Variants in SIPA1L3 observed in about 807,000 individuals in gnomAD.
The protein encoded by SIPA1L3 is signal-induced proliferation-associated 1-like protein 3.
SIPA1L3 carries 59 observed loss-of-function variants against 150.1 expected under a neutral mutation model. That is an observed-to-expected ratio of 0.39 (90% CI 0.32 to 0.49). The LOEUF is 0.49. Among genes scored for constraint, SIPA1L3 ranks in the 20% least tolerant of loss-of-function variants. SIPA1L3 has a pLI of 0.86. For missense variants in SIPA1L3, 2,211 were observed against 2,489.5 expected (o/e 0.89, Z 2.38); for synonymous variants, 1,070 against 1,077.6 (o/e 0.99, Z 0.14).
At position 38,152,964 on chromosome 19, in the gene SIPA1L3, C is replaced by G; in HGVS notation, c.3658C>G (p.Pro1220Ala). ...GGAGAGCACCATGGAACGCCAGAAG[C>G]CAGGTAGGGCCCCCACCAGCTGCTG... ...SQESTMERQK[P>A]EPLWHVPAQA... The change falls in exon 13 of 22, where the codon CCA becomes GCA. Residue 1220 changes from proline to alanine, a missense_variant. Around this residue, in one of 5 missense-constraint regions of SIPA1L3, gnomAD observed 806 missense variants for 870.1 expected, o/e 0.93. Coordinates refer to ENST00000222345, the MANE Select transcript of SIPA1L3 (RefSeq NM_015073.3). The G allele has an allele frequency of 6.2e-7, 1 of 1,611,994 alleles. No individual in the cohort carries two copies. Among genetic ancestry groups the G allele is most frequent in the Non-Finnish European group, 8.5e-7 (1 of 1,179,288 alleles).
intron 4 of SIPA1L3, among the ~76,000 whole-genome samples, chr19:38,098,045 G>A (rs963649813): frequency 6.6e-6 from 1 of 152,214 alleles, no homozygotes; most frequent in Non-Finnish European, 1.5e-5. Flanking sequence ...GTAAATCAGA[G>A]ATAAAACCTC....
At chr19:37,977,700 C>T (rs182623418) in intron 1 of SIPA1L3, among the ~76,000 whole-genome samples, 26 of 152,210 alleles carry the variant, frequency 1.7e-4, no homozygotes, top group Non-Finnish European at 1.8e-4. Flanking sequence ...CCAGAGCGCC[C>T]GTGTCCTCCA....
In SIPA1L3 at chr19:37,987,488, G is replaced by A. The variant is rs1967385259; in HGVS notation, c.-378-41601G>A. Among the ~76,000 whole-genome samples the A allele has an allele frequency of 2.0e-5, 3 of 152,300 alleles. No homozygotes were observed. In the East Asian group the frequency reaches 5.8e-4, roughly 29 times the overall value. On this transcript the variant is annotated intron_variant, in intron 1 of 21. Coordinates refer to ENST00000222345, the MANE Select transcript of SIPA1L3 (RefSeq NM_015073.3). ...CACTCTTTGATGTCAGAATTGTCCT[G>A]TGCATATTATGGGCTGTTCAGCAGC... is the stretch of plus-strand genomic sequence containing the variant.
At chr19:38,135,555 C>T (rs1215864123) in intron 10 of SIPA1L3, among the ~76,000 whole-genome samples, 1 of 152,228 alleles carries the variant, frequency 6.6e-6, no homozygotes, top group African/African-American at 2.4e-5. Flanking sequence ...GACTCTCACC[C>T]CAAACATGCA....
chr19:38,076,450 C>T (rs1969839770), intron 2 of SIPA1L3, among the ~76,000 whole-genome samples: 2 of 152,184 alleles, frequency 1.3e-5, no homozygotes, highest in African/African-American at 4.8e-5. Context: ...CCTGTTGCTA[C>T]TGCGGTGAGC....
chr19:38,178,090 TGTGTGTGTG>T (rs1972477365), intron 15 of SIPA1L3, among the ~76,000 whole-genome samples: 1 of 15,250 alleles, frequency 6.6e-5, no homozygotes, highest in Non-Finnish European at 1.3e-4. Context: ...GCTTTTGGTG[TGTGTGTGTG>T]TGTGTGTGTG....
intron 16 of SIPA1L3, chr19:38,185,185 C>G (rs1175604556): frequency 1.3e-5 from 2 of 152,342 alleles, no homozygotes; most frequent in Non-Finnish European, 2.9e-5. Context: ...TGTCACTGTA[C>G]TCTGTTCCAC....
intron 1 of SIPA1L3, among the ~76,000 whole-genome samples, chr19:37,959,717 A>G (rs919979966): frequency 2.0e-5 from 3 of 151,652 alleles, no homozygotes; most frequent in African/African-American, 7.3e-5. Context: ...TATGCCTCAC[A>G]TCTTTTTTCC....
At chr19:38,026,503 A>G (rs1047159441) in intron 1 of SIPA1L3, among the ~76,000 whole-genome samples, 3 of 152,166 alleles carry the variant, frequency 2.0e-5, no homozygotes, top group Non-Finnish European at 2.9e-5. Flanking sequence ...TGAGTCCCAT[A>G]GGACTGAGTG....
At chr19:38,178,460 T>A (rs1972490536) in intron 15 of SIPA1L3, among the ~76,000 whole-genome samples, 1 of 151,856 alleles carries the variant, frequency 6.6e-6, no homozygotes. Flanking sequence ...ATTGCATGGA[T>A]TTCTGGGAGG....
At chr19:38,001,858 T>G (rs1967815077) in intron 1 of SIPA1L3, among the ~76,000 whole-genome samples, 1 of 152,202 alleles carries the variant, frequency 6.6e-6, no homozygotes, top group Admixed American at 6.5e-5. Flanking sequence ...ATAATTAGCT[T>G]TAGCTTGATT....
chr19:38,061,128 C>T (rs937519043), intron 2 of SIPA1L3, among the ~76,000 whole-genome samples: 1 of 152,144 alleles, frequency 6.6e-6, no homozygotes, highest in Non-Finnish European at 1.5e-5. Flanking sequence ...AAGAATGGGC[C>T]AGGCAGACCC....
chr19:37,911,320 G>T (rs1043238565), intron 1 of SIPA1L3, among the ~76,000 whole-genome samples: 6 of 152,042 alleles, frequency 3.9e-5, no homozygotes, highest in African/African-American at 1.4e-4. Context: ...AAAGGAGGGG[G>T]TAGGGATCAA....
At chr19:38,177,580 G>A (rs1038718329) in intron 15 of SIPA1L3, among the ~76,000 whole-genome samples, 9 of 152,092 alleles carry the variant, frequency 5.9e-5, no homozygotes, top group Non-Finnish European at 1.2e-4. Context: ...CTATACATAT[G>A]TGTGTATATC....
At position 37,986,919 on chromosome 19, in the gene SIPA1L3, G is replaced by A. The variant is rs1031406165; in HGVS notation, c.-378-42170G>A. Among the ~76,000 whole-genome samples, 11 of 152,086 alleles carry A rather than the reference G, an allele frequency of 7.2e-5. No individual in the cohort carries two copies. In the East Asian group the frequency reaches 9.7e-4, roughly 13 times the overall value. ...CATCTGGTCTGAGGAGGAGCTGAGC[G>A]TTTTCTTTTTTCTTTTTTTGCTTTT... On this transcript the variant is annotated intron_variant, in intron 1 of 21. Transcript: ENST00000222345.
chr19:38,197,259 T>G (rs954508981), intron 18 of SIPA1L3, among the ~76,000 whole-genome samples: 1 of 151,944 alleles, frequency 6.6e-6, no homozygotes, highest in Non-Finnish European at 1.5e-5. Context: ...GGCCCTGAGG[T>G]GTGTCTTCTG....
chr19:38,026,567 G>A (rs1257610023), intron 1 of SIPA1L3, among the ~76,000 whole-genome samples: 1 of 152,140 alleles, frequency 6.6e-6, no homozygotes, highest in Non-Finnish European at 1.5e-5. Flanking sequence ...TGCAGGGTGG[G>A]TCAAAGCAAC....
intron 1 of SIPA1L3, among the ~76,000 whole-genome samples, chr19:37,927,571 A>G (rs76653065): frequency 0.05 from 6,631 of 131,626 alleles, 183 homozygotes; most frequent in East Asian, 0.11. Flanking sequence ...TACGTACCCA[A>G]TGTTTAGCTC....
intron 10 of SIPA1L3, among the ~76,000 whole-genome samples, chr19:38,139,640 C>T (rs1037722499): frequency 2.6e-5 from 4 of 152,184 alleles, no homozygotes; most frequent in South Asian, 2.1e-4. Context: ...CCGAGGGGTG[C>T]GGTGTGTCGG....
Sources: allele counts gnomAD v4.1 joint callset (sites outside exome capture counted in the v4.1 genomes callset), GRCh38; gene constraint gnomAD v4.1.1; regional missense constraint gnomAD v4.1.1; transcripts MANE v1.5; gene names NCBI Gene and HGNC (gene_info 2026-07-23, HGNC 2026-07-21).